Variants in RASSF5 observed in about 807,000 individuals in gnomAD.
RASSF5 encodes Ras association domain family member 5, also known as ras association domain-containing protein 5.
RASSF5 carries 25 observed loss-of-function variants against 40.5 expected under a neutral mutation model. That is an observed-to-expected ratio of 0.62 (90% confidence interval 0.45 to 0.86). The LOEUF (loss-of-function observed/expected upper bound fraction) is 0.86, where lower values mean the gene tolerates loss of function less well. Among genes scored for constraint, RASSF5 ranks in the 40% least tolerant of loss-of-function variants. The pLI is 0.00. For synonymous variants in RASSF5, 246 were observed against 252.4 expected (o/e 0.97, Z 0.24); for missense variants, 521 against 572.8 (o/e 0.91, Z 0.92).
intron 2 of RASSF5, among the ~76,000 whole-genome samples, chr1:206,553,999 A>T (rs1553401407): frequency 1.3e-5 from 2 of 152,192 alleles, no homozygotes; most frequent in African/African-American, 4.8e-5. Flanking sequence ...AAATATAGAT[A>T]ATAACTGTAG....
rs782717063 is a variant in RASSF5, at chr1:206,518,348, C to T, written c.457+10289C>T. 368 of 396,122 alleles carry T rather than the reference C, an allele frequency of 9.3e-4. 3 individuals carry two copies. Among genetic ancestry groups the T allele is most frequent in the Admixed American group, 2.6e-4 (6 of 22,658 alleles). The allele number at this position is 396,122 out of a possible 1,614,324, so 24.5% of individuals were successfully genotyped here. On this transcript the variant is annotated intron_variant, in intron 1 of 5. Transcript: ENST00000579436. ...CCCCCACCCGGCACTCCACCCCTGA[C>T]GCCAAGCCTGGAGAAAAGCTATTGA...
intron 1 of RASSF5, among the ~76,000 whole-genome samples, chr1:206,515,296 A>C (rs1553395244): frequency 6.6e-6 from 1 of 152,236 alleles, no homozygotes; most frequent in Non-Finnish European, 1.5e-5. Context: ...CAGTTTCTAA[A>C]TTGATTGTCA....
chr1:206,511,818 C>T (rs551411706), intron 1 of RASSF5, among the ~76,000 whole-genome samples: 1 of 152,302 alleles, frequency 6.6e-6, no homozygotes, highest in South Asian at 2.1e-4. Context: ...TTCAGCTCCA[C>T]TTTCTGCACT....
chr1:206,563,023 C>T (rs1668188685), intron 2 of RASSF5, among the ~76,000 whole-genome samples: 1 of 152,144 alleles, frequency 6.6e-6, no homozygotes, highest in Non-Finnish European at 1.5e-5. Context: ...TGAAACAACC[C>T]CTGCTTTTCA....
At chr1:206,583,626 C>T (rs1553406858) in intron 3 of RASSF5, 7 of 477,514 alleles carry the variant, frequency 1.5e-5, no homozygotes, top group Non-Finnish European at 2.7e-5. Flanking sequence ...TTAACTCCTC[C>T]TCTGAGCTTC....
chr1:206,578,605 T>A (rs1668747563), intron 2 of RASSF5, among the ~76,000 whole-genome samples: 1 of 151,948 alleles, frequency 6.6e-6, no homozygotes, highest in Non-Finnish European at 1.5e-5. Flanking sequence ...AGAGTGAGAG[T>A]GAATTTTTTA....
intron 1 of RASSF5, among the ~76,000 whole-genome samples, chr1:206,514,977 T>C (rs868947995): frequency 2.6e-5 from 4 of 152,202 alleles, no homozygotes; most frequent in African/African-American, 7.2e-5. Flanking sequence ...ACTGATGTAA[T>C]CAGGGCCATC....
chr1:206,532,070 C>A (rs1397889867), intron 1 of RASSF5, among the ~76,000 whole-genome samples: 1 of 147,952 alleles, frequency 6.8e-6, no homozygotes, highest in Non-Finnish European at 1.5e-5. Flanking sequence ...AAAAAAAAAT[C>A]TTTGGTAAAT....
intron 2 of RASSF5, among the ~76,000 whole-genome samples, chr1:206,556,607 C>T (rs1285856584): frequency 7.2e-5 from 11 of 152,200 alleles, no homozygotes; most frequent in African/African-American, 2.7e-4. Context: ...CCTGTGTATC[C>T]TGAGGCTTCC....
Position 206,579,718 on chromosome 1 carries a change from G to C in RASSF5, c.580-3551G>C, listed in dbSNP as rs782147580. 1.3e-5 allele frequency among the ~76,000 whole-genome samples: 2 copies of C among 152,192 alleles called. No individual in the cohort carries two copies. Among genetic ancestry groups the C allele is most frequent in the Non-Finnish European group, 2.9e-5 (2 of 68,030 alleles). Reference sequence around the variant, plus strand: ...CAGACCAATTAAATCAGAATCTCCAGGGATGAAGCCCAGGCAGCTAAGTTT... The same window carrying C: ...CAGACCAATTAAATCAGAATCTCCACGGATGAAGCCCAGGCAGCTAAGTTT... On this transcript the variant is annotated intron_variant, in intron 2 of 5. Coordinates refer to ENST00000579436, the MANE Select transcript of RASSF5 (RefSeq NM_182663.4). This position sits in a 1 kb window ranked among gnomAD's most constrained non-coding sequence, Gnocchi z 4.2.
At chr1:206,528,959 C>T (rs879946776) in intron 1 of RASSF5, 28 of 659,744 alleles carry the variant, frequency 4.2e-5, no homozygotes, top group Admixed American at 3.6e-4. Flanking sequence ...TGGCTCCTGT[C>T]GTGAAGAAGC....
At chr1:206,556,391 T>C (rs960229148) in intron 2 of RASSF5, among the ~76,000 whole-genome samples, 1 of 152,238 alleles carries the variant, frequency 6.6e-6, no homozygotes, top group African/African-American at 2.4e-5. Context: ...GTTCAAACAA[T>C]GGTAGCTAGA....
At chr1:206,548,115 A>G (rs912955302) in intron 2 of RASSF5, among the ~76,000 whole-genome samples, 13 of 152,192 alleles carry the variant, frequency 8.5e-5, no homozygotes, top group African/African-American at 3.1e-4. Flanking sequence ...ATTTCTAACA[A>G]TAAATTTACT....
chr1:206,554,466 A>G (rs1451525122), intron 2 of RASSF5, among the ~76,000 whole-genome samples: 2 of 152,190 alleles, frequency 1.3e-5, no homozygotes, highest in Non-Finnish European at 2.9e-5. Context: ...AAAGTGGCCC[A>G]TTCATCATTT....
At chr1:206,524,648 A>ATG (rs1177164491) in intron 1 of RASSF5, among the ~76,000 whole-genome samples, 65 of 131,204 alleles carry the variant, frequency 5.0e-4, no homozygotes, top group Non-Finnish European at 5.8e-4. Context: ...AATATATATT[A>ATG]TATATTATGT....
intron 3 of RASSF5, 103 bp downstream of exon 3, chr1:206,583,482 C>A: frequency 2.5e-6 from 2 of 803,086 alleles, no homozygotes; most frequent in South Asian, 1.5e-5. Flanking sequence ...CCTGGCAGGT[C>A]CCCTCCCTTT....
In RASSF5 at chr1:206,584,795, C is replaced by T. The variant is rs782051767; in HGVS notation, c.988+111C>T. On this transcript the variant is annotated intron_variant, in intron 4 of 5. Coordinates refer to ENST00000579436, the MANE Select transcript of RASSF5 (RefSeq NM_182663.4). This position sits in a 1 kb window ranked among gnomAD's most constrained non-coding sequence, Gnocchi z 4.9. ...GGGAGCTGTGGGCTTCTCCTGAGCA[C>T]CAGGGGTCCAGCTGCCCATGTGGTG... 1 of 1,140,556 alleles carries T rather than the reference C, an allele frequency of 8.8e-7. No individual in the cohort carries two copies. The highest frequency in any genetic ancestry group is 1.3e-6 in the Non-Finnish European group (1 of 792,806). The allele number at this position is 1,140,556 out of a possible 1,614,324, so 70.7% of individuals were successfully genotyped here.
intron 5 of RASSF5, 54 bp downstream of exon 5, chr1:206,585,349 CAGGTGGGTGTTGT>C: frequency 4.4e-6 from 6 of 1,351,846 alleles, no homozygotes; most frequent in Non-Finnish European, 6.4e-6. Flanking sequence ...TGGGTGGGTG[CAGGTGGGTGTTGT>C]CCTAACTACC....
intron 2 of RASSF5, among the ~76,000 whole-genome samples, chr1:206,538,599 G>A (rs1667474295): frequency 6.6e-6 from 1 of 152,178 alleles, no homozygotes. Flanking sequence ...GCCTTCTGAC[G>A]GTCCCTAAAG....
Sources: gnomAD v4.1 joint callset for allele counts (sites outside exome capture counted in the v4.1 genomes callset) on GRCh38, gnomAD v4.1.1 for gene constraint, Gnocchi (gnomAD v3.1) non-coding constraint, MANE v1.5 for transcripts, NCBI Gene and HGNC (gene_info 2026-07-23, HGNC 2026-07-21) for gene names.